The following KDM8 variants were observed in gnomAD, a reference collection of about 807,000 sequenced individuals.
KDM8 encodes the protein lysine demethylase 8.
A neutral mutation model predicts 46.9 loss-of-function variants in KDM8; 35 were observed. The ratio of observed to expected loss-of-function variants is 0.75; its 90% CI spans 0.57 to 0.99. The LOEUF is 0.99. Ranked by LOEUF, KDM8 falls within the 50% of genes least tolerant of loss-of-function variation. The pLI is 0.00. For missense variants in KDM8, 475 were observed against 537.0 expected (o/e 0.88, Z 1.14); for synonymous variants, 232 against 227.7 (o/e 1.02, Z -0.17).
At position 27,220,383 on chromosome 16, in the gene KDM8, C is replaced by G. The variant is rs370111265; in HGVS notation, c.994-10C>G. On this transcript the variant is annotated splice_polypyrimidine_tract_variant and intron_variant, in intron 6 of 7. Coordinates refer to ENST00000286096, the MANE Select transcript of KDM8 (RefSeq NM_024773.3). Reference sequence around the variant, plus strand: ...GGCCACCAGCTGACTGTCAGGGTCTCTCTCCCCAGGTGATGGGGAGGAAGT... The same window carrying G: ...GGCCACCAGCTGACTGTCAGGGTCTGTCTCCCCAGGTGATGGGGAGGAAGT... 1.2e-6 allele frequency: 2 copies of G among 1,609,900 alleles called. No individual in the cohort carries two copies. The highest frequency in any genetic ancestry group is 1.7e-6 in the Non-Finnish European group (2 of 1,176,330).
In KDM8 at chr16:27,219,307, C is replaced by T. The variant is rs114940865; in HGVS notation, c.993+197C>T. On this transcript the variant is annotated intron_variant, in intron 6 of 7. Transcript: ENST00000286096. The stretch of plus-strand genomic sequence containing the variant: ...CCTCTGCAGTCGGTGCTTCCAGAAG[C>T]GGCTCCTCCTGCATGTGCTCCTCCC... Among the ~76,000 whole-genome samples the T allele has an allele frequency of 5.1e-3, 779 of 152,358 alleles. 11 individuals carry two copies. The highest frequency in any genetic ancestry group is 0.018 in the African/African-American group (730 of 41,586).
intron 2 of KDM8, 34 bp from the exon 3 acceptor site, chr16:27,213,551 G>A (rs2083510208): frequency 1.9e-6 from 3 of 1,607,160 alleles, no homozygotes; most frequent in Non-Finnish European, 2.6e-6. Context: ...TTCCTGAGGT[G>A]GTTGCTATTT....
At chr16:27,220,028 A>C (rs1010692992) in intron 6 of KDM8, among the ~76,000 whole-genome samples, 10 of 152,150 alleles carry the variant, frequency 6.6e-5, no homozygotes, top group Admixed American at 3.9e-4. Context: ...CAGCCTGGGC[A>C]ACATATTAAA....
At chr16:27,220,239 GAA>G (rs2140977734) in intron 6 of KDM8, 152 bp from the exon 7 acceptor site, 1 of 703,966 alleles carries the variant, frequency 1.4e-6, no homozygotes, top group Admixed American at 2.2e-5. Flanking sequence ...AAAAAAGAAA[GAA>G]AAACATACAC....
chr16:27,217,837 T>C (rs1567266186), intron 5 of KDM8, among the ~76,000 whole-genome samples: 1 of 151,582 alleles, frequency 6.6e-6, no homozygotes, highest in African/African-American at 2.4e-5. Context: ...GCTTGAAAAA[T>C]GCCGCCAGGT....
At chr16:27,210,763 G>T (rs2083475448) in intron 2 of KDM8, 142 bp downstream of exon 2, 1 of 862,490 alleles carries the variant, frequency 1.2e-6, no homozygotes, top group Non-Finnish European at 1.7e-6. Flanking sequence ...ATTGATTTTG[G>T]ATTTCTGTTT....
chr16:27,213,492 C>T, intron 2 of KDM8, 93 bp from the exon 3 acceptor site: 1 of 1,309,502 alleles, frequency 7.6e-7, no homozygotes, highest in East Asian at 2.3e-5. Flanking sequence ...GACAGCTAAG[C>T]TCTCCTACCC....
chr16:27,207,759 A>G (rs12934702), intron 1 of KDM8, among the ~76,000 whole-genome samples: 47,893 of 151,980 alleles, frequency 0.32, 7,813 homozygotes, highest in East Asian at 0.47. Flanking sequence ...TAATTTTTTA[A>G]TTGTTTTTAG....
chr16:27,217,633 G>A (rs1199444987), intron 5 of KDM8, among the ~76,000 whole-genome samples: 1 of 152,326 alleles, frequency 6.6e-6, no homozygotes, highest in East Asian at 1.9e-4. Context: ...AGCAGTGTCT[G>A]GGACCAAGCT....
chr16:27,205,523 G>A (rs1243631344), intron 1 of KDM8, among the ~76,000 whole-genome samples: 1 of 152,094 alleles, frequency 6.6e-6, no homozygotes, highest in African/African-American at 2.4e-5. Flanking sequence ...ATACCTGACC[G>A]CCCCCCTCCC....
rs78081697 is a variant in KDM8 at position 27,208,938 on chromosome 16, T to C, written c.-31-1155T>C. Among the ~76,000 whole-genome samples the C allele has an allele frequency of 4.2e-3, 640 of 152,324 alleles. 7 individuals carry two copies. Among genetic ancestry groups the C allele is most frequent in the African/African-American group, 0.015 (608 of 41,568 alleles). On this transcript the variant is annotated intron_variant, in intron 1 of 7. Coordinates refer to ENST00000286096, the MANE Select transcript of KDM8 (RefSeq NM_024773.3). The stretch of plus-strand genomic sequence containing the variant: ...TGAACCAAGAATGGAAATGAACTCA[T>C]TATAAGCTCAGCCCTGTGGATACAA...
chr16:27,213,556 C>G, intron 2 of KDM8, 29 bp from the exon 3 acceptor site: 1 of 1,608,026 alleles, frequency 6.2e-7, no homozygotes, highest in Non-Finnish European at 8.5e-7. Context: ...GAGGTGGTTG[C>G]TATTTTGTTC....
chr16:27,204,014 T>A (rs1945859762), intron 1 of KDM8: 4 of 1,237,524 alleles, frequency 3.2e-6, no homozygotes, highest in Non-Finnish European at 3.4e-6. Flanking sequence ...TATATGTGTG[T>A]CCGCTGCTTT....
rs1279041142 is a variant in KDM8, at chr16:27,210,597, C to T, written c.474C>T (p.Ser158=). ...CTGGAAAGAGGCCTGCCCGTGGCTC[C>T]CTCCCAGAGCAACCCTGCACAAAGG... ...HLPGKRPARG[S]LPEQPCTKKA... Residue 158 remains serine (S), a synonymous_variant, in exon 2 of 8, where the codon TCC becomes TCT. Transcript: ENST00000286096. 2.0e-6 allele frequency: 3 copies of T among 1,514,262 alleles called. No individual in the cohort carries two copies. The East Asian group carries it at 6.8e-5, about 34-fold the overall frequency. The allele number at this position is 1,514,262 out of a possible 1,614,324, so 93.8% of individuals were successfully genotyped here.
chr16:27,204,830 C>G (rs1251355782), intron 1 of KDM8, among the ~76,000 whole-genome samples: 2 of 152,202 alleles, frequency 1.3e-5, no homozygotes, highest in Admixed American at 1.3e-4. Flanking sequence ...TTCACAAGAC[C>G]AGCCTGACCA....
rs146139095 is a variant in KDM8, at chr16:27,219,041, T to G, written c.924T>G (p.Asn308Lys). ...GDGEEEEITI[N>K]AWFGPQGTIS... ...GGGAGGAGGAGGAAATCACCATCAATGCCTGGTTTGGTCCCCAGGGAACCA... is the reference window on the plus strand; with the variant it reads ...GGGAGGAGGAGGAAATCACCATCAAGGCCTGGTTTGGTCCCCAGGGAACCA... The change falls in exon 6 of 8, where the codon AAT (asparagine) becomes AAG (lysine). Residue 308 changes from asparagine to lysine, a missense_variant. Coordinates refer to ENST00000286096, the MANE Select transcript of KDM8 (RefSeq NM_024773.3). 2 of 1,613,850 alleles carry G rather than the reference T, an allele frequency of 1.2e-6. No individual in the cohort carries two copies. The highest frequency in any genetic ancestry group is 2.7e-5 in the African/African-American group (2 of 74,868).
In KDM8 at chr16:27,205,678, A is replaced by G. The variant is rs547818003; in HGVS notation, c.-32+2042A>G. ...CAGAGTGAAACCCCGTCTCTACTAA[A>G]AATAGAAAAACTAGCCAGGCACAGT... On this transcript the variant is annotated intron_variant, in intron 1 of 7. Coordinates refer to ENST00000286096, the MANE Select transcript of KDM8 (RefSeq NM_024773.3). Among the ~76,000 whole-genome samples, 3 of 152,306 alleles carry G rather than the reference A, an allele frequency of 2.0e-5. No homozygotes were observed. The South Asian group carries it at 6.2e-4, about 32-fold the overall frequency.
intron 5 of KDM8, among the ~76,000 whole-genome samples, chr16:27,217,540 C>T (rs1259219278): frequency 1.3e-5 from 2 of 152,220 alleles, no homozygotes; most frequent in African/African-American, 2.4e-5. Context: ...CCTCAGCTTG[C>T]GAACTTGTAC....
At chr16:27,213,886 A>T (rs2083516158) in intron 3 of KDM8, 135 bp downstream of exon 3, 16 of 837,302 alleles carry the variant, frequency 1.9e-5, no homozygotes, top group Non-Finnish European at 2.5e-5. Flanking sequence ...ACTGATTGCC[A>T]AGGGGTTAAA....
Sources: gnomAD v4.1 joint callset for allele counts (sites outside exome capture counted in the v4.1 genomes callset) on GRCh38, gnomAD v4.1.1 for gene constraint, MANE v1.5 for transcripts, NCBI Gene and HGNC (gene_info 2026-07-23, HGNC 2026-07-21) for gene names.